The following SLC2A12 variants were observed in gnomAD, a reference collection of about 807,000 sequenced individuals.
SLC2A12 encodes solute carrier family 2, facilitated glucose transporter member 12.
Under a neutral mutation model 41.8 loss-of-function variants are expected in SLC2A12, and 23 were observed. The observed-to-expected ratio is 0.55, with a 90% CI of 0.40 to 0.78. SLC2A12 has a LOEUF of 0.78. Ranked by LOEUF, SLC2A12 falls within the 30% of genes least tolerant of loss-of-function variation. The pLI, the probability that SLC2A12 is intolerant of heterozygous loss-of-function variation, is 0.00. For missense variants in SLC2A12, 654 were observed against 745.6 expected (o/e 0.88, Z 1.43); for synonymous variants, 295 against 285.9 (o/e 1.03, Z -0.32).
chr6:134,051,891 C>T (rs948468553), intron 1 of SLC2A12, among the ~76,000 whole-genome samples: 3 of 152,122 alleles, frequency 2.0e-5, no homozygotes, highest in Non-Finnish European at 4.4e-5. Flanking sequence ...TTTATGAAGC[C>T]TGTTTAAAAT....
At chr6:134,033,985 C>A (rs1309525273) in intron 1 of SLC2A12, among the ~76,000 whole-genome samples, 1 of 152,114 alleles carries the variant, frequency 6.6e-6, no homozygotes, top group Non-Finnish European at 1.5e-5. Flanking sequence ...ACTCATAGCA[C>A]ACTGACAAAT....
intron 3 of SLC2A12, 45 bp from the exon 4 acceptor site, chr6:134,002,174 C>G (rs1298734225): frequency 1.9e-6 from 3 of 1,575,496 alleles, no homozygotes; most frequent in Non-Finnish European, 1.7e-6. Context: ...TTTTGTGTAG[C>G]TTTGATCCCA....
At position 133,991,326 on chromosome 6, in the gene SLC2A12, A is replaced by C; in HGVS notation, c.1701-18T>G. On this transcript the variant is annotated intron_variant, in intron 4 of 4. Transcript: ENST00000275230. ...CATAGTTCCTGAAAGAGAAAGAGGC[A>C]CTAATGAAAATGTCATTCTTAGTTT... 1 of 1,607,142 alleles carries C rather than the reference A, an allele frequency of 6.2e-7. No homozygotes were observed. Among genetic ancestry groups the C allele is most frequent in the Non-Finnish European group, 8.5e-7 (1 of 1,177,938 alleles).
At chr6:134,001,387 G>GA (rs1401531815) in intron 4 of SLC2A12, among the ~76,000 whole-genome samples, 4 of 152,116 alleles carry the variant, frequency 2.6e-5, no homozygotes, top group Non-Finnish European at 5.9e-5. Flanking sequence ...TTAGTTTCAG[G>GA]AAAAAATCAG....
rs1368628069 is a variant in SLC2A12, at chr6:134,032,451, T to TAA, written c.104-2731_104-2730insTT. Among the ~76,000 whole-genome samples, 17 of 34,260 alleles carry TAA rather than the reference T, an allele frequency of 5.0e-4. 3 individuals are homozygous for TAA. Among genetic ancestry groups the TAA allele is most frequent in the African/African-American group, 2.1e-3 (16 of 7,442 alleles). 22.5% of individuals were successfully genotyped at this position (34,260 alleles called of 152,430 possible). On this transcript the variant is annotated intron_variant, in intron 1 of 4. Coordinates refer to ENST00000275230, the MANE Select transcript of SLC2A12 (RefSeq NM_145176.3). ...TTATATATATATATATATATATAAA[T>TAA]ATATATATATATATTTTTATATATA...
At chr6:134,041,398 G>T (rs942628094) in intron 1 of SLC2A12, among the ~76,000 whole-genome samples, 1 of 152,026 alleles carries the variant, frequency 6.6e-6, no homozygotes, top group African/African-American at 2.4e-5. Flanking sequence ...CAGGAGGATT[G>T]CTTGTGGCCA....
In SLC2A12 at chr6:134,052,510, G is replaced by A; in HGVS notation, c.-30C>T. The A allele has an allele frequency of 6.3e-7, 1 of 1,585,356 alleles. No homozygotes were observed. Among genetic ancestry groups the A allele is most frequent in the Non-Finnish European group, 8.6e-7 (1 of 1,157,766 alleles). ...ACGTAGAAGTTACAGCCGCTTCCCC[G>A]CCACCAAACCGCCCCGACCACCCCC... On this transcript the variant is annotated 5_prime_UTR_variant, in exon 1 of 5. Coordinates refer to ENST00000275230, the MANE Select transcript of SLC2A12 (RefSeq NM_145176.3).
chr6:134,008,327 G>A (rs1249908012), intron 2 of SLC2A12, among the ~76,000 whole-genome samples: 1 of 152,070 alleles, frequency 6.6e-6, no homozygotes, highest in Non-Finnish European at 1.5e-5. Context: ...AAACTAAATT[G>A]GATTGCAGAA....
In SLC2A12 at chr6:133,989,286, G is replaced by C. The variant is rs1776585659; in HGVS notation, c.*1869C>G. 6.6e-6 allele frequency: 1 copy of C among 151,950 alleles called. No homozygotes were observed. 9.4% of individuals were successfully genotyped at this position (151,950 alleles called of 1,614,324 possible). On this transcript the variant is annotated 3_prime_UTR_variant, in exon 5 of 5. Coordinates refer to ENST00000275230, the MANE Select transcript of SLC2A12 (RefSeq NM_145176.3). ...AAATCAAGAAGCTTGATTTGGTGTG[G>C]TGCAATGGATATTGGATAAAAATTT...
At chr6:134,023,389 G>T (rs1027136035) in intron 2 of SLC2A12, among the ~76,000 whole-genome samples, 1 of 152,194 alleles carries the variant, frequency 6.6e-6, no homozygotes, top group Admixed American at 6.5e-5. Flanking sequence ...GTGGCAGGAA[G>T]AGTGACTGCC....
chr6:134,024,106 C>A (rs763094719), intron 2 of SLC2A12, among the ~76,000 whole-genome samples: 22 of 152,210 alleles, frequency 1.4e-4, no homozygotes, highest in Non-Finnish European at 2.5e-4. Flanking sequence ...GAGGGCCCAG[C>A]GAGTTTGGCC....
chr6:134,014,794 C>G (rs760516543), intron 2 of SLC2A12, among the ~76,000 whole-genome samples: 1 of 152,176 alleles, frequency 6.6e-6, no homozygotes, highest in African/African-American at 2.4e-5. Context: ...TAAACACTGA[C>G]GTATTATGTG....
intron 1 of SLC2A12, among the ~76,000 whole-genome samples, chr6:134,037,479 G>A (rs1239481124): frequency 2.6e-5 from 4 of 151,768 alleles, no homozygotes; most frequent in East Asian, 1.9e-4. Flanking sequence ...CTCAGCGTCC[G>A]GAGTAGCTGG....
At chr6:134,035,857 C>T (rs1336715588) in intron 1 of SLC2A12, among the ~76,000 whole-genome samples, 1 of 152,224 alleles carries the variant, frequency 6.6e-6, no homozygotes, top group East Asian at 1.9e-4. Context: ...TTCAATCAAG[C>T]AGCTTTATGC....
chr6:133,997,085 C>CAA (rs58295985), intron 4 of SLC2A12, among the ~76,000 whole-genome samples: 16,129 of 70,568 alleles, frequency 0.23, 2,128 homozygotes, highest in African/African-American at 0.33. Flanking sequence ...ACTAAAAATA[C>CAA]AAAAAAAAAA....
chr6:134,026,920 T>C (rs527459228), intron 2 of SLC2A12, among the ~76,000 whole-genome samples: 3 of 152,258 alleles, frequency 2.0e-5, no homozygotes, highest in East Asian at 3.9e-4. Flanking sequence ...TTTGAACAAA[T>C]CAATATCTAG....
chr6:134,047,286 C>T (rs547443054), intron 1 of SLC2A12, among the ~76,000 whole-genome samples: 35 of 152,286 alleles, frequency 2.3e-4, no homozygotes, highest in Middle Eastern at 3.4e-3. Context: ...CGTTCTTGCT[C>T]ATACACTGAG....
At chr6:134,021,432 A>T (rs1404508732) in intron 2 of SLC2A12, among the ~76,000 whole-genome samples, 1 of 152,246 alleles carries the variant, frequency 6.6e-6, no homozygotes, top group South Asian at 2.1e-4. Flanking sequence ...GTCTATAACT[A>T]CATTCTGGTT....
intron 4 of SLC2A12, among the ~76,000 whole-genome samples, chr6:133,996,897 A>T (rs184578107): frequency 1.3e-5 from 2 of 152,204 alleles, no homozygotes; most frequent in Admixed American, 1.3e-4. Context: ...CAATTTACAT[A>T]AGCCAGGCTG....
Sources: gnomAD v4.1 joint callset for allele counts (sites outside exome capture counted in the v4.1 genomes callset) on GRCh38, gnomAD v4.1.1 for gene constraint, MANE v1.5 for transcripts, NCBI Gene and HGNC (gene_info 2026-07-23, HGNC 2026-07-21) for gene names.